Variants in UBE2V1 observed in about 807,000 individuals in gnomAD.
The protein encoded by UBE2V1 is ubiquitin conjugating enzyme E2 V1.
A neutral mutation model predicts 19.6 loss-of-function variants in UBE2V1; 15 were observed. That is an observed-to-expected ratio of 0.77 (90% CI 0.51 to 1.18). UBE2V1 has a LOEUF of 1.18. UBE2V1 is among the 50% of genes most tolerant of loss of function. UBE2V1 has a pLI of 0.00. For missense variants in UBE2V1, 125 were observed against 184.8 expected, an observed-to-expected ratio of 0.68 and a Z score of 1.88; for synonymous variants, 60 against 60.7, an observed-to-expected ratio of 0.99 and a Z score of 0.05.
chr20:50,096,931 A>G, intron 1 of UBE2V1, 111 bp from the exon 2 acceptor site: 1 of 1,511,756 alleles, frequency 6.6e-7, no homozygotes, highest in South Asian at 1.3e-5. Context: ...AACATGCAAA[A>G]AAATCACGGA....
At chr20:50,096,907 G>T (rs1601055437) in intron 1 of UBE2V1, 87 bp from the exon 2 acceptor site, 4 of 1,560,254 alleles carry the variant, frequency 2.6e-6, no homozygotes, top group African/African-American at 1.4e-5. Context: ...TCTCTCCCTG[G>T]GAATCAAGAT....
At chr20:50,114,350 G>A (rs2080945288), upstream of UBE2V1, among the ~76,000 whole-genome samples, 5 of 152,166 alleles carry the variant, frequency 3.3e-5, no homozygotes, top group Admixed American at 2.0e-4. Flanking sequence ...TCTCCACTCC[G>A]TTCACTTCTC....
At position 50,107,580 on chromosome 20, in the gene UBE2V1, A is replaced by G. The variant is rs187998871; in HGVS notation, c.22+5527T>C. 4.0e-3 allele frequency among the ~76,000 whole-genome samples: 603 copies of G among 152,264 alleles called. 5 individuals carry two copies. The highest frequency in any genetic ancestry group is 0.024 in the South Asian group (118 of 4,824). On this transcript the variant is annotated intron_variant, in intron 1 of 3. Transcript: ENST00000371674. The stretch of plus-strand genomic sequence containing the variant: ...AGTACCTCTATAAATACCACCAAAT[A>G]AGGATAAGAGTTTCAGTTTTTTGAA...
Position 50,096,663 on chromosome 20 carries a change from G to A in UBE2V1, c.171+9C>T, listed in dbSNP as rs2079645276. 1 of 1,613,448 alleles carries A rather than the reference G, an allele frequency of 6.2e-7. No individual in the cohort carries two copies. The highest frequency in any genetic ancestry group is 8.5e-7 in the Non-Finnish European group (1 of 1,179,704). On this transcript the variant is annotated intron_variant, in intron 2 of 3. Coordinates refer to ENST00000371674, the MANE Select transcript of UBE2V1 (RefSeq NM_001032288.3). ...ACATTGACATTTATAGCCGTAGCTC[G>A]ACGCTTACTCTTGGAGGCCCAATTA...
At chr20:50,115,256 G>A (rs773757435), upstream of UBE2V1, among the ~76,000 whole-genome samples, 3 of 152,100 alleles carry the variant, frequency 2.0e-5, no homozygotes, top group Non-Finnish European at 2.9e-5. Flanking sequence ...CTCAGATCCA[G>A]CACCATCCCC....
rs1409429981 is a variant in UBE2V1, at chr20:50,098,573, T to C, written c.23-1753A>G. Among the ~76,000 whole-genome samples the C allele has an allele frequency of 2.0e-5, 3 of 152,274 alleles. No individual in the cohort carries two copies. The East Asian group carries it at 5.8e-4, about 29-fold the overall frequency. On this transcript the variant is annotated intron_variant, in intron 1 of 3. Transcript: ENST00000371674. ...TGGAGATTTGCTATCAGGTTGCCTGTGAGGTGTGAGAGACAAGAGTCAACT... is the reference window on the plus strand; with the variant it reads ...TGGAGATTTGCTATCAGGTTGCCTGCGAGGTGTGAGAGACAAGAGTCAACT...
intron 1 of UBE2V1, chr20:50,104,303 G>GT: frequency 5.3e-6 from 5 of 948,722 alleles, no homozygotes; most frequent in Non-Finnish European, 6.2e-6. Flanking sequence ...AAAAAAGGCA[G>GT]TATTTCCTAT....
intron 1 of UBE2V1, among the ~76,000 whole-genome samples, chr20:50,102,620 G>A (rs1183660911): frequency 6.6e-6 from 1 of 152,102 alleles, no homozygotes; most frequent in Admixed American, 6.5e-5. Context: ...TCGAACTCCC[G>A]ACCTCAGGTG....
chr20:50,105,938 CA>C (rs910680982), intron 1 of UBE2V1, among the ~76,000 whole-genome samples: 1 of 150,956 alleles, frequency 6.6e-6, no homozygotes, highest in Admixed American at 6.6e-5. Context: ...AAACAAAAAA[CA>C]AAAAAACAAA....
chr20:50,102,934 A>G (rs1389626979), intron 1 of UBE2V1, among the ~76,000 whole-genome samples: 1 of 151,992 alleles, frequency 6.6e-6, no homozygotes, highest in East Asian at 1.9e-4. Flanking sequence ...TGAGTCCCTC[A>G]CCCTGGAATT....
chr20:50,089,604 C>T (rs533988731), intron 2 of UBE2V1, among the ~76,000 whole-genome samples: 1 of 152,296 alleles, frequency 6.6e-6, no homozygotes, highest in African/African-American at 2.4e-5. Context: ...GAGAAGTGGG[C>T]TTGGAGTTTC....
chr20:50,087,385 C>T (rs1457514843), intron 2 of UBE2V1, among the ~76,000 whole-genome samples: 2 of 131,768 alleles, frequency 1.5e-5, no homozygotes, highest in Non-Finnish European at 3.2e-5. Context: ...GACATTGCGA[C>T]ACTTTGTCAA....
chr20:50,114,141 ATTATAAATTGT>A (rs2080938114), upstream of UBE2V1, among the ~76,000 whole-genome samples: 1 of 152,196 alleles, frequency 6.6e-6, no homozygotes, highest in African/African-American at 2.4e-5. Flanking sequence ...CTCCTCCTTT[ATTATAAATTGT>A]CTGAGAAGCC....
intron 2 of UBE2V1, among the ~76,000 whole-genome samples, chr20:50,091,691 C>A (rs1433747768): frequency 6.6e-6 from 1 of 152,092 alleles, no homozygotes; most frequent in African/African-American, 2.4e-5. Flanking sequence ...CCACGCCCCG[C>A]CTCAAAGCTT....
rs999670524 is a variant in UBE2V1 at position 50,111,975 on chromosome 20, C to G, written c.22+1132G>C. Among the ~76,000 whole-genome samples, 9 of 152,298 alleles carry G rather than the reference C, an allele frequency of 5.9e-5. No homozygotes were observed. In the East Asian group the frequency reaches 1.7e-3, roughly 29 times the overall value. On this transcript the variant is annotated intron_variant, in intron 1 of 3. Coordinates refer to ENST00000371674, the MANE Select transcript of UBE2V1 (RefSeq NM_001032288.3). ...CTTGGCCAACTTCACTGCCAGGCAC[C>G]TGAGGGTGCAGCCTCACCCAAGAGT...
intron 1 of UBE2V1, among the ~76,000 whole-genome samples, chr20:50,102,411 G>C (rs369565600): frequency 6.6e-6 from 1 of 152,162 alleles, no homozygotes; most frequent in Admixed American, 6.5e-5. Context: ...ATGCATCCTT[G>C]CATGTTCATT....
At chr20:50,107,395 A>G (rs1016149802) in intron 1 of UBE2V1, among the ~76,000 whole-genome samples, 1 of 152,208 alleles carries the variant, frequency 6.6e-6, no homozygotes, top group Admixed American at 6.5e-5. Flanking sequence ...CAGTCCAGCC[A>G]CGTGACAACA....
chr20:50,109,103 G>A, intron 1 of UBE2V1: 17 of 985,432 alleles, frequency 1.7e-5, no homozygotes, highest in Non-Finnish European at 2.0e-5. Flanking sequence ...CCCCTGGCTG[G>A]TGACCAGGCT....
At chr20:50,089,101 A>G (rs2079081929) in intron 2 of UBE2V1, among the ~76,000 whole-genome samples, 1 of 152,240 alleles carries the variant, frequency 6.6e-6, no homozygotes, top group Non-Finnish European at 1.5e-5. Context: ...TTGCTTAAAC[A>G]GGCGTCAGTG....
Sources: allele counts gnomAD v4.1 joint callset (sites outside exome capture counted in the v4.1 genomes callset), GRCh38; gene constraint gnomAD v4.1.1; transcripts MANE v1.5; gene names NCBI Gene and HGNC (gene_info 2026-07-23, HGNC 2026-07-21).